The following RPL26L1 variants were observed in gnomAD, a reference collection of about 807,000 sequenced individuals.
The protein encoded by RPL26L1 is ribosomal protein uL24-like.
Under a neutral mutation model 15.2 loss-of-function variants are expected in RPL26L1, and 8 were observed. The ratio of observed to expected loss-of-function variants is 0.53; its 90% CI spans 0.31 to 0.95. The LOEUF (loss-of-function observed/expected upper bound fraction) is 0.95. Ranked by LOEUF, RPL26L1 falls within the 40% of genes least tolerant of loss-of-function variation. The pLI is 0.05. For missense variants in RPL26L1, 146 were observed against 190.9 expected (o/e 0.76, Z 1.39); for synonymous variants, 51 against 65.9 (o/e 0.77, Z 1.09).
At position 172,960,041 on chromosome 5, in the gene RPL26L1, G is replaced by A. The variant is rs1361878025; in HGVS notation, c.168G>A (p.Gln56=). The A allele has an allele frequency of 1.1e-5, 18 of 1,613,966 alleles. No homozygotes were observed. Among genetic ancestry groups the A allele is most frequent in the Non-Finnish European group, 1.5e-5 (18 of 1,179,998 alleles). ...CCATCCGCAAGGACGACGAGGTCCAGGTACGTCTCCCTCCGGCGCTAGTGG... is the reference window on the plus strand; with the variant it reads ...CCATCCGCAAGGACGACGAGGTCCAAGTACGTCTCCCTCCGGCGCTAGTGG... The part of the protein sequence containing the change: ...SMPIRKDDEV[Q]VVRGHYKGQQ... The change falls in exon 2 of 4, where the codon CAG becomes CAA. Residue 56 remains glutamine, a splice_region_variant and synonymous_variant. Transcript: ENST00000265100.
intron 2 of RPL26L1, among the ~76,000 whole-genome samples, chr5:172,960,433 T>C (rs1270515576): frequency 6.6e-6 from 1 of 152,150 alleles, no homozygotes; most frequent in Non-Finnish European, 1.5e-5. Flanking sequence ...ACTTTTGATT[T>C]AACCTTCTGG....
At chr5:172,955,195 A>G, upstream of RPL26L1, 1 of 335,330 alleles carries the variant, frequency 3.0e-6, no homozygotes, top group South Asian at 2.2e-5. Context: ...ATGGCGCGAT[A>G]TCGGCTCACT....
chr5:172,960,878 C>A (rs886952022), intron 2 of RPL26L1, among the ~76,000 whole-genome samples: 1 of 131,030 alleles, frequency 7.6e-6, no homozygotes, highest in African/African-American at 3.0e-5. Flanking sequence ...AGCCTCAGCT[C>A]TATTGATATG....
chr5:172,965,001 T>A (rs913968608), intron 2 of RPL26L1, among the ~76,000 whole-genome samples: 3 of 152,172 alleles, frequency 2.0e-5, no homozygotes, highest in African/African-American at 7.2e-5. Flanking sequence ...CTGGCCAACA[T>A]GGCGAAATTC....
upstream of RPL26L1, chr5:172,959,385 G>T (rs188408393): frequency 3.0e-6 from 3 of 1,005,784 alleles, no homozygotes; most frequent in East Asian, 1.9e-4. Context: ...CGGAAATGGG[G>T]CTTCGATGTC....
intron 2 of RPL26L1, among the ~76,000 whole-genome samples, chr5:172,961,241 T>G (rs1755224776): frequency 6.6e-6 from 1 of 152,116 alleles, no homozygotes; most frequent in Non-Finnish European, 1.5e-5. Flanking sequence ...AAAGAGTAGT[T>G]CAGAGGTATG....
At position 172,964,281 on chromosome 5, in the gene RPL26L1, C is replaced by CCTTTTTTTTTTTTTTTTTTTTTTTTT. The variant is rs1402885653; in HGVS notation, c.169-4178_169-4177insCTTTTTTTTTTTTTTTTTTTTTTTTT. Among the ~76,000 whole-genome samples, 15 of 99,240 alleles carry CCTTTTTTTTTTTTTTTTTTTTTTTTT rather than the reference C, an allele frequency of 1.5e-4. 3 individuals carry two copies. Among genetic ancestry groups the CCTTTTTTTTTTTTTTTTTTTTTTTTT allele is most frequent in the South Asian group, 3.2e-4 (1 of 3,156 alleles). 65.1% of individuals were successfully genotyped at this position (99,240 alleles called of 152,430 possible). Reference sequence around the variant, plus strand: ...TGAGCCACAGTGTCTGGCCTGTTGCCTTTTTTTTTTTTTTTTTTTTTGAGA... The same window carrying CCTTTTTTTTTTTTTTTTTTTTTTTTT: ...TGAGCCACAGTGTCTGGCCTGTTGCCCTTTTTTTTTTTTTTTTTTTTTTTTTTTTTTTTTTTTTTTTTTTTTTGAGA... On this transcript the variant is annotated intron_variant, in intron 2 of 3. Coordinates refer to ENST00000265100, the MANE Select transcript of RPL26L1 (RefSeq NM_016093.4).
chr5:172,958,402 C>T (rs939501729), upstream of RPL26L1: 3 of 456,094 alleles, frequency 6.6e-6, no homozygotes, highest in African/African-American at 4.0e-5. Context: ...TGCAAGACAT[C>T]TTCCCTCTCT....
intron 2 of RPL26L1, among the ~76,000 whole-genome samples, chr5:172,963,053 G>T (rs1313237909): frequency 6.6e-6 from 1 of 151,950 alleles, no homozygotes; most frequent in Admixed American, 6.6e-5. Context: ...TTAGCCAGGT[G>T]CTTACCAATG....
At chr5:172,964,080 G>A (rs1430435595) in intron 2 of RPL26L1, among the ~76,000 whole-genome samples, 2 of 150,256 alleles carry the variant, frequency 1.3e-5, no homozygotes, top group African/African-American at 4.9e-5. Context: ...AGAGAAGGAG[G>A]GCAAAGAGGG....
chr5:172,966,827 T>C (rs1437203779), intron 2 of RPL26L1, among the ~76,000 whole-genome samples: 1 of 151,886 alleles, frequency 6.6e-6, no homozygotes, highest in African/African-American at 2.4e-5. Flanking sequence ...GTATCTCCTC[T>C]ATGCTTATTA....
At chr5:172,963,671 C>T (rs1232221861) in intron 2 of RPL26L1, among the ~76,000 whole-genome samples, 1 of 152,182 alleles carries the variant, frequency 6.6e-6, no homozygotes, top group Non-Finnish European at 1.5e-5. Context: ...TATAGCCTAG[C>T]ATTCTTTATT....
intron 2 of RPL26L1, among the ~76,000 whole-genome samples, chr5:172,964,281 C>CCTTTTTTTTTTTTTTTTTTTTTCTTTTT (rs1402885653): frequency 1.0e-5 from 1 of 99,234 alleles, no homozygotes; most frequent in Non-Finnish European, 2.0e-5. Context: ...GGCCTGTTGC[C>CCTTTTTTTTTTTTTTTTTTTTTCTTTTT]TTTTTTTTTT....
At chr5:172,962,375 G>T (rs1198875996) in intron 2 of RPL26L1, among the ~76,000 whole-genome samples, 3 of 152,128 alleles carry the variant, frequency 2.0e-5, no homozygotes, top group Non-Finnish European at 2.9e-5. Context: ...AGGCGTGGTG[G>T]TGCACACCTG....
rs1755596308 is a variant in RPL26L1, at chr5:172,969,363, A to G, written c.310-50A>G. ...TAACTTATGATGTCTATATTGCTCA[A>G]TAGCTGGTGGGGATGCAGAAATAAA... On this transcript the variant is annotated intron_variant, in intron 3 of 3. Coordinates refer to ENST00000265100, the MANE Select transcript of RPL26L1 (RefSeq NM_016093.4). The G allele has an allele frequency of 3.1e-6, 5 of 1,596,834 alleles. 1 individual carries two copies. The highest frequency in any genetic ancestry group is 4.5e-5 in the East Asian group (2 of 44,630).
rs750576918 is a variant in RPL26L1 at position 172,960,051 on chromosome 5, C to T, written c.168+10C>T. ...GGACGACGAGGTCCAGGTACGTCTC[C>T]CTCCGGCGCTAGTGGCGCTCGGACA... On this transcript the variant is annotated intron_variant, in intron 2 of 3. Transcript: ENST00000265100. The T allele has an allele frequency of 1.2e-6, 2 of 1,613,982 alleles. No individual in the cohort carries two copies. The highest frequency in any genetic ancestry group is 1.7e-6 in the Non-Finnish European group (2 of 1,179,948).
intron 1 of RPL26L1, 180 bp downstream of exon 1, chr5:172,959,648 C>G: frequency 8.2e-7 from 1 of 1,212,466 alleles, no homozygotes; most frequent in South Asian, 1.6e-5. Flanking sequence ...TACCCTCTCC[C>G]CCACGACCCC....
chr5:172,968,787 T>A (rs1002694726), intron 3 of RPL26L1, among the ~76,000 whole-genome samples, 188 bp downstream of exon 3: 11 of 147,140 alleles, frequency 7.5e-5, no homozygotes, highest in Non-Finnish European at 1.5e-5. Flanking sequence ...TTTGCCTTTC[T>A]TGGTGATGGC....
At chr5:172,954,674 G>A (rs1251408960), upstream of RPL26L1, 1 of 259,230 alleles carries the variant, frequency 3.9e-6, no homozygotes, top group African/African-American at 2.2e-5. Context: ...AAGATTTTTG[G>A]TTGGTTTATG....
Sources: gnomAD v4.1 joint callset for allele counts (sites outside exome capture counted in the v4.1 genomes callset) on GRCh38, gnomAD v4.1.1 for gene constraint, MANE v1.5 for transcripts, NCBI Gene and HGNC (gene_info 2026-07-23, HGNC 2026-07-21) for gene names.